Variants in IRF2 observed in about 807,000 individuals in gnomAD.
The protein encoded by IRF2 is interferon regulatory factor 2.
A neutral mutation model predicts 40.6 loss-of-function variants in IRF2; 15 were observed. The ratio of observed to expected loss-of-function variants is 0.37; its 90% CI spans 0.25 to 0.57. IRF2 has a LOEUF of 0.57. IRF2 is among the 20% of genes least tolerant of loss of function. The probability of loss-of-function intolerance (pLI) is 0.77; values close to 1 mark genes in which losing one functional copy is unlikely to be tolerated. For synonymous variants in IRF2, 151 were observed against 165.5 expected (o/e 0.91, Z 0.67); for missense variants, 317 against 455.7 (o/e 0.70, Z 2.77).
chr4:184,397,362 G>A (rs1736505443), intron 7 of IRF2, among the ~76,000 whole-genome samples: 1 of 152,166 alleles, frequency 6.6e-6, no homozygotes, highest in African/African-American at 2.4e-5. Flanking sequence ...AGGACTTAGT[G>A]TTTAATGCAG....
chr4:184,418,382 G>A lies in IRF2; in HGVS notation c.364+150C>T, dbSNP rs1269717143. 4.1e-6 allele frequency: 4 copies of A among 966,188 alleles called. No individual in the cohort carries two copies. In the East Asian group the frequency reaches 9.8e-5, roughly 24 times the overall value. The allele number at this position is 966,188 out of a possible 1,614,324, so 59.9% of individuals were successfully genotyped here. ...CTGCCTCTGGTGAATCGAAAGTCTT[G>A]TTTCCAAGCCAGGTAGGGGCGGAAT... On this transcript the variant is annotated intron_variant, in intron 4 of 8. Transcript: ENST00000393593.
At chr4:184,419,673 A>G (rs1737411154) in intron 2 of IRF2, 105 bp from the exon 3 acceptor site, 1 of 744,552 alleles carries the variant, frequency 1.3e-6, no homozygotes, top group Admixed American at 2.6e-5. Flanking sequence ...CCCAGCAAGC[A>G]TCGCTGAATG....
Position 184,408,690 on chromosome 4 carries a change from T to C in IRF2, c.412-415A>G, listed in dbSNP as rs1736955895. On this transcript the variant is annotated intron_variant, in intron 5 of 8. Coordinates refer to ENST00000393593, the MANE Select transcript of IRF2 (RefSeq NM_002199.4). This position sits in a 1 kb window ranked among gnomAD's most constrained non-coding sequence, Gnocchi z 4.9. The stretch of plus-strand genomic sequence containing the variant: ...CCAGGGAGGAATCATGCTACCTCTT[T>C]CATAATTATTTCTTAGGAAAAGCTC... 6.6e-6 allele frequency among the ~76,000 whole-genome samples: 1 copy of C among 152,220 alleles called. No individual in the cohort carries two copies. The highest frequency in any genetic ancestry group is 2.1e-4 in the South Asian group (1 of 4,830).
chr4:184,426,830 G>T (rs1737691958), intron 2 of IRF2, among the ~76,000 whole-genome samples: 2 of 152,242 alleles, frequency 1.3e-5, no homozygotes, highest in African/African-American at 4.8e-5. Flanking sequence ...AGGAGCATTT[G>T]CTTTCCTCTC....
chr4:184,472,793 C>A (rs554046953), intron 1 of IRF2, among the ~76,000 whole-genome samples: 1 of 152,318 alleles, frequency 6.6e-6, no homozygotes, highest in South Asian at 2.1e-4. Flanking sequence ...ACATCCGCAG[C>A]CGAGCGCCAA....
At chr4:184,421,249 G>C (rs1737472251) in intron 2 of IRF2, among the ~76,000 whole-genome samples, 2 of 152,168 alleles carry the variant, frequency 1.3e-5, no homozygotes, top group African/African-American at 4.8e-5. Flanking sequence ...GAACATTGGA[G>C]AGTTTCCCAA....
chr4:184,394,157 G>A (rs1736360707), intron 7 of IRF2, among the ~76,000 whole-genome samples: 1 of 152,064 alleles, frequency 6.6e-6, no homozygotes, highest in Non-Finnish European at 1.5e-5. Flanking sequence ...GTACCAACAG[G>A]CACATGAGTA....
intron 1 of IRF2, among the ~76,000 whole-genome samples, chr4:184,433,460 C>T (rs1381642392): frequency 6.6e-6 from 1 of 152,236 alleles, no homozygotes; most frequent in Non-Finnish European, 1.5e-5. Flanking sequence ...GCATTCCTCA[C>T]TTACGCAACA....
intron 7 of IRF2, among the ~76,000 whole-genome samples, chr4:184,397,134 T>C (rs180846751): frequency 3.9e-5 from 6 of 152,346 alleles, no homozygotes; most frequent in African/African-American, 1.4e-4. Context: ...CTTATCCTGT[T>C]TGACAGATTA....
chr4:184,423,477 G>T (rs1355908656), intron 2 of IRF2, among the ~76,000 whole-genome samples: 1 of 152,128 alleles, frequency 6.6e-6, no homozygotes, highest in Non-Finnish European at 1.5e-5. Context: ...TCCAATTAGT[G>T]TGCTATTTTT....
At chr4:184,406,117 T>A (rs937750942) in intron 6 of IRF2, among the ~76,000 whole-genome samples, 1 of 152,076 alleles carries the variant, frequency 6.6e-6, no homozygotes. Context: ...CCCCTTCTCC[T>A]AAGGGGTGAA....
intron 1 of IRF2, among the ~76,000 whole-genome samples, chr4:184,433,210 G>T (rs989095303): frequency 6.6e-5 from 10 of 152,188 alleles, no homozygotes; most frequent in African/African-American, 2.2e-4. Context: ...CCAGCGCTTC[G>T]CCAACTTGAA....
At chr4:184,430,889 T>A (rs1417031851) in intron 1 of IRF2, among the ~76,000 whole-genome samples, 1 of 151,638 alleles carries the variant, frequency 6.6e-6, no homozygotes, top group African/African-American at 2.4e-5. Context: ...AGAGCTGGGG[T>A]CTCCCTATGC....
chr4:184,430,951 C>T (rs1371485870), intron 1 of IRF2, among the ~76,000 whole-genome samples: 1 of 152,194 alleles, frequency 6.6e-6, no homozygotes, highest in Admixed American at 6.5e-5. Context: ...CCACCTTGAC[C>T]TCCCAAAGTG....
intron 1 of IRF2, among the ~76,000 whole-genome samples, chr4:184,467,924 A>G (rs1739385295): frequency 6.6e-6 from 1 of 152,212 alleles, no homozygotes; most frequent in Non-Finnish European, 1.5e-5. Context: ...TCCTAAATTA[A>G]GGTATTTTGC....
At chr4:184,456,028 C>T (rs1738911584) in intron 1 of IRF2, among the ~76,000 whole-genome samples, 1 of 152,186 alleles carries the variant, frequency 6.6e-6, no homozygotes, top group South Asian at 2.1e-4. Flanking sequence ...GACGTGGTGT[C>T]CCGGAGGTGA....
chr4:184,467,046 C>T (rs1373713591), intron 1 of IRF2, among the ~76,000 whole-genome samples: 2 of 152,170 alleles, frequency 1.3e-5, no homozygotes, highest in African/African-American at 4.8e-5. Context: ...TCAGCCATGT[C>T]CAAGTGACAA....
intron 6 of IRF2, chr4:184,407,082 T>TA: frequency 3.1e-6 from 2 of 647,990 alleles, no homozygotes; most frequent in Non-Finnish European, 4.9e-6. Context: ...AACAGGGTTA[T>TA]AGAGCACTGC....
chr4:184,430,231 C>A (rs1737823364), intron 1 of IRF2, among the ~76,000 whole-genome samples: 1 of 151,926 alleles, frequency 6.6e-6, no homozygotes, highest in African/African-American at 2.4e-5. Context: ...TACAAGCATC[C>A]TTCCGTGACC....
Sources: allele counts gnomAD v4.1 joint callset (sites outside exome capture counted in the v4.1 genomes callset), GRCh38; gene constraint gnomAD v4.1.1; non-coding constraint Gnocchi (gnomAD v3.1); transcripts MANE v1.5; gene names NCBI Gene and HGNC (gene_info 2026-07-23, HGNC 2026-07-21).